The following FLT3 variants were observed in gnomAD, a reference collection of about 807,000 sequenced individuals.
FLT3 encodes the protein fms related receptor tyrosine kinase 3, also known as receptor-type tyrosine-protein kinase FLT3.
In FLT3, 46 loss-of-function variants were observed where a neutral mutation model predicts 126.6. That is an observed-to-expected ratio of 0.36 (90% CI 0.29 to 0.46). The LOEUF is 0.46. Ranked by LOEUF, FLT3 falls within the 20% of genes least tolerant of loss-of-function variation. FLT3 has a pLI of 1.00. For missense variants in FLT3, 1,069 were observed against 1,190.3 expected (o/e 0.90, Z 1.50); for synonymous variants, 404 against 434.4 (o/e 0.93, Z 0.87).
At chr13:28,049,799 G>GA in intron 6 of FLT3, 25 bp from the exon 7 acceptor site, 2 of 1,581,290 alleles carry the variant, frequency 1.3e-6, no homozygotes, top group Admixed American at 1.9e-5. Context: ...CATCCCAAGT[G>GA]AGAAAAAAAA....
At chr13:28,051,439 G>A (rs1193706106) in intron 5 of FLT3, among the ~76,000 whole-genome samples, 1 of 151,400 alleles carries the variant, frequency 6.6e-6, no homozygotes, top group Admixed American at 6.6e-5. Flanking sequence ...GTTTGACCAT[G>A]TTGGTCAGGC....
chr13:28,073,592 C>T (rs1188170236), intron 1 of FLT3, among the ~76,000 whole-genome samples: 1 of 151,824 alleles, frequency 6.6e-6, no homozygotes, highest in East Asian at 1.9e-4. Context: ...TAAAAGTATA[C>T]AATTTAGTAA....
At chr13:28,039,363 G>A (rs138841600) in intron 9 of FLT3, among the ~76,000 whole-genome samples, 6,492 of 150,678 alleles carry the variant, frequency 0.043, 398 homozygotes, top group African/African-American at 0.14. Context: ...CACCACGCCC[G>A]GCTAATTTTT....
intron 3 of FLT3, among the ~76,000 whole-genome samples, chr13:28,058,312 C>T (rs1876220633): frequency 6.7e-6 from 1 of 150,248 alleles, no homozygotes; most frequent in African/African-American, 2.4e-5. Context: ...GTCGGGAATT[C>T]AAGACCAGCC....
chr13:28,067,302 C>T (rs978622617), intron 2 of FLT3, among the ~76,000 whole-genome samples: 1 of 152,206 alleles, frequency 6.6e-6, no homozygotes, highest in African/African-American at 2.4e-5. Flanking sequence ...GGATTACAGG[C>T]GTGAGCCACC....
intron 20 of FLT3, among the ~76,000 whole-genome samples, chr13:28,016,950 T>C (rs1174958852): frequency 6.6e-6 from 1 of 152,128 alleles, no homozygotes. Flanking sequence ...TTTTATTGGC[T>C]TTTTCCCACA....
chr13:28,061,174 G>A (rs1487850160), intron 3 of FLT3, among the ~76,000 whole-genome samples: 1 of 151,702 alleles, frequency 6.6e-6, no homozygotes, highest in Non-Finnish European at 1.5e-5. Context: ...TGGCCAACAT[G>A]GTGAAACCCC....
chr13:28,010,864 G>A (rs184608174), intron 23 of FLT3, among the ~76,000 whole-genome samples: 148 of 152,238 alleles, frequency 9.7e-4, no homozygotes, highest in Middle Eastern at 3.4e-3. Context: ...TTAGCCAGGC[G>A]TGGTGGCAGA....
At chr13:28,055,578 A>C (rs1036787373) in intron 4 of FLT3, among the ~76,000 whole-genome samples, 3 of 152,102 alleles carry the variant, frequency 2.0e-5, no homozygotes, top group African/African-American at 4.8e-5. Context: ...TCTTTTTCAC[A>C]CTGACTGTTG....
chr13:28,093,072 C>T (rs1175954515), intron 1 of FLT3, among the ~76,000 whole-genome samples: 10 of 151,674 alleles, frequency 6.6e-5, no homozygotes, highest in Non-Finnish European at 1.5e-4. Context: ...CAGACATGTG[C>T]CAGCACATCT....
chr13:28,072,785 C>T (rs1266148155), intron 1 of FLT3, among the ~76,000 whole-genome samples: 5 of 151,922 alleles, frequency 3.3e-5, no homozygotes, highest in Non-Finnish European at 7.4e-5. Context: ...GGGTGGATCA[C>T]GAGGTCAGGA....
At chr13:28,061,747 G>T in intron 3 of FLT3, 120 bp downstream of exon 3, 1 of 712,576 alleles carries the variant, frequency 1.4e-6, no homozygotes, top group Non-Finnish European at 2.3e-6. Context: ...CTCCAGCCTG[G>T]GTGACAGAGA....
At chr13:28,032,231 G>A (rs1279858267) in intron 15 of FLT3, among the ~76,000 whole-genome samples, 1 of 152,228 alleles carries the variant, frequency 6.6e-6, no homozygotes, top group Non-Finnish European at 1.5e-5. Context: ...AGGGACCTTT[G>A]AGACATCCAA....
intron 10 of FLT3, 85 bp from the exon 11 acceptor site, chr13:28,036,128 T>C (rs2137683815): frequency 1.8e-6 from 2 of 1,142,640 alleles, no homozygotes; most frequent in Non-Finnish European, 2.6e-6. Flanking sequence ...GAAGCCAAGG[T>C]GGGAGGATCA....
At chr13:28,074,983 C>T (rs889320445) in intron 1 of FLT3, among the ~76,000 whole-genome samples, 1 of 152,260 alleles carries the variant, frequency 6.6e-6, no homozygotes, top group African/African-American at 2.4e-5. Context: ...GAACATTGAA[C>T]ATCCATTTAG....
At chr13:28,094,545 G>A (rs749567854) in intron 1 of FLT3, among the ~76,000 whole-genome samples, 4 of 151,874 alleles carry the variant, frequency 2.6e-5, no homozygotes, top group Non-Finnish European at 5.9e-5. Context: ...TGTCACCCAC[G>A]TTAGAGTACA....
At position 28,015,266 on chromosome 13, in the gene FLT3, A is replaced by C. The variant is rs1456241244; in HGVS notation, c.2654-10T>G. Reference sequence around the variant, plus strand: ...GGGTAAGGATTCACACCTGAGGAAAACATTAGACAATTGCAGCCATTCATC... The same window carrying C: ...GGGTAAGGATTCACACCTGAGGAAACCATTAGACAATTGCAGCCATTCATC... On this transcript the variant is annotated splice_polypyrimidine_tract_variant and intron_variant, in intron 21 of 23. Transcript: ENST00000241453. The C allele has an allele frequency of 6.6e-7, 1 of 1,518,264 alleles. No individual in the cohort carries two copies. Among genetic ancestry groups the C allele is most frequent in the Non-Finnish European group, 9.1e-7 (1 of 1,094,046 alleles). The allele number at this position is 1,518,264 out of a possible 1,614,324, so 94.0% of individuals were successfully genotyped here.
At chr13:28,041,727 C>T (rs1874394840) in intron 9 of FLT3, among the ~76,000 whole-genome samples, 1 of 152,192 alleles carries the variant, frequency 6.6e-6, no homozygotes, top group South Asian at 2.1e-4. Context: ...TTGGGAGATG[C>T]AAAGCTTCCT....
At chr13:28,031,991 T>C (rs1287470024) in intron 15 of FLT3, among the ~76,000 whole-genome samples, 1 of 152,002 alleles carries the variant, frequency 6.6e-6, no homozygotes, top group Non-Finnish European at 1.5e-5. Flanking sequence ...GTGGTGGTCA[T>C]AGAGATGGAG....
Sources: gnomAD v4.1 joint callset for allele counts (sites outside exome capture counted in the v4.1 genomes callset) on GRCh38, gnomAD v4.1.1 for gene constraint, MANE v1.5 for transcripts, NCBI Gene and HGNC (gene_info 2026-07-23, HGNC 2026-07-21) for gene names.